UBXN4: variants seen among roughly 807,000 people sequenced by gnomAD.
The protein encoded by UBXN4 is UBX domain-containing protein 4.
In UBXN4, 35 loss-of-function variants were observed where a neutral mutation model predicts 66.2. That is an observed-to-expected ratio of 0.53 (90% CI 0.40 to 0.70). UBXN4 has a LOEUF of 0.70. Ranked by LOEUF, UBXN4 falls within the 30% of genes least tolerant of loss-of-function variation. UBXN4 has a pLI of 0.00. For synonymous variants in UBXN4, 203 were observed against 204.5 expected, an observed-to-expected ratio of 0.99 and a Z score of 0.06; for missense variants, 533 against 599.8, an observed-to-expected ratio of 0.89 and a Z score of 1.16.
intron 12 of UBXN4, 53 bp downstream of exon 12, chr2:135,780,438 CT>C: frequency 6.4e-7 from 1 of 1,563,900 alleles, no homozygotes; most frequent in Non-Finnish European, 8.8e-7. Flanking sequence ...TGCCCAGTAT[CT>C]TTTTTAAGTA....
At chr2:135,780,090 C>A in intron 11 of UBXN4, 93 bp from the exon 12 acceptor site, 1 of 1,244,138 alleles carries the variant, frequency 8.0e-7, no homozygotes, top group Non-Finnish European at 1.1e-6. Flanking sequence ...TTGGTAGGAC[C>A]TCCTTTTCCA....
intron 5 of UBXN4, among the ~76,000 whole-genome samples, chr2:135,756,603 C>CT (rs1249911338): frequency 6.6e-6 from 1 of 152,114 alleles, no homozygotes; most frequent in Non-Finnish European, 1.5e-5. Flanking sequence ...CGGGGGGACT[C>CT]TATTATGGAT....
chr2:135,745,339 C>G (rs1034501458), intron 1 of UBXN4, among the ~76,000 whole-genome samples: 43 of 152,172 alleles, frequency 2.8e-4, no homozygotes, highest in African/African-American at 1.0e-3. Flanking sequence ...GCTCTCTTAT[C>G]CTTTAGATTT....
At chr2:135,744,016 T>C (rs758376159) in intron 1 of UBXN4, among the ~76,000 whole-genome samples, 1 of 152,218 alleles carries the variant, frequency 6.6e-6, no homozygotes, top group Non-Finnish European at 1.5e-5. Flanking sequence ...AAAATCCAGC[T>C]AGCTTTTTTA....
chr2:135,770,823 G>C, intron 8 of UBXN4, 88 bp downstream of exon 8: 1 of 1,231,934 alleles, frequency 8.1e-7, no homozygotes, highest in East Asian at 3.1e-5. Context: ...CACAAAAATA[G>C]ATTTTAGTGA....
intron 9 of UBXN4, among the ~76,000 whole-genome samples, chr2:135,773,400 C>T (rs1051569866): frequency 5.3e-5 from 8 of 152,192 alleles, no homozygotes; most frequent in African/African-American, 1.9e-4. Flanking sequence ...AATTCACGAT[C>T]CCAGACAGAA....
intron 5 of UBXN4, among the ~76,000 whole-genome samples, chr2:135,759,766 ATTTTTT>A (rs10660396): frequency 1.1e-5 from 1 of 93,444 alleles, no homozygotes; most frequent in African/African-American, 4.0e-5. Context: ...TCAATCCAGA[ATTTTTT>A]TTTTTTTTTT....
At chr2:135,770,322 C>G (rs1419091795) in intron 7 of UBXN4, among the ~76,000 whole-genome samples, 1 of 152,072 alleles carries the variant, frequency 6.6e-6, no homozygotes, top group Non-Finnish European at 1.5e-5. Flanking sequence ...ATATATTTAC[C>G]CTCATGACTA....
At position 135,742,006 on chromosome 2, in the gene UBXN4, T is replaced by C; in HGVS notation, c.77T>C (p.Val26Ala). ...KRSGAVFVVF[V>A]AGDDEQSTQM... The stretch of plus-strand genomic sequence containing the variant: ...AGCGGCGCGGTCTTCGTGGTGTTCG[T>C]GGCAGGTGAAGGAGGCAGGGGTTCG... Residue 26 changes from valine to alanine, a missense_variant, in exon 1 of 13, where the codon GTG (valine) becomes GCG (alanine). By Grantham distance (64) the Val-to-Ala change is moderately conservative. This residue lies in a region of UBXN4 where 529 missense variants were observed against 580.1 expected (regional missense o/e 0.91). Transcript: ENST00000272638. The C allele has an allele frequency of 6.2e-7, 1 of 1,613,130 alleles. No individual in the cohort carries two copies. Among genetic ancestry groups the C allele is most frequent in the Non-Finnish European group, 8.5e-7 (1 of 1,179,604 alleles).
rs143078127 is a variant in UBXN4, at chr2:135,751,900, C to T, written c.186-1639C>T. On this transcript the variant is annotated intron_variant, in intron 2 of 12. Coordinates refer to ENST00000272638, the MANE Select transcript of UBXN4 (RefSeq NM_014607.4). ...CATCTACATTGATGAGTATCTCTTA[C>T]TAATCTTATAAATTCTCTCTCCCAT... is the stretch of plus-strand genomic sequence containing the variant. 5.4e-3 allele frequency among the ~76,000 whole-genome samples: 815 copies of T among 152,196 alleles called. 7 individuals carry two copies. The highest frequency in any genetic ancestry group is 0.041 in the South Asian group (197 of 4,820).
At chr2:135,760,699 G>C (rs1047043251) in intron 5 of UBXN4, among the ~76,000 whole-genome samples, 6 of 152,136 alleles carry the variant, frequency 3.9e-5, no homozygotes, top group African/African-American at 1.2e-4. Context: ...AAAGAAAGGT[G>C]GTTAATTTCC....
At chr2:135,754,813 G>C (rs942128664) in intron 4 of UBXN4, among the ~76,000 whole-genome samples, 2 of 151,350 alleles carry the variant, frequency 1.3e-5, no homozygotes, top group Non-Finnish European at 2.9e-5. Context: ...TTTTGAGATG[G>C]AGTCTCTGTT....
intron 5 of UBXN4, among the ~76,000 whole-genome samples, chr2:135,757,239 T>A (rs955892465): frequency 7.9e-5 from 12 of 152,210 alleles, no homozygotes; most frequent in African/African-American, 2.9e-4. Flanking sequence ...GATCTGCAAG[T>A]TCACTGACTC....
chr2:135,742,440 CA>C (rs1232662017), intron 1 of UBXN4: 2 of 157,880 alleles, frequency 1.3e-5, no homozygotes, highest in East Asian at 3.7e-4. Flanking sequence ...CGGACGCGGC[CA>C]GCAGGCCCCA....
intron 12 of UBXN4, among the ~76,000 whole-genome samples, chr2:135,781,641 C>T (rs1443646768): frequency 6.6e-6 from 1 of 152,204 alleles, no homozygotes; most frequent in East Asian, 1.9e-4. Flanking sequence ...AGACCAGTTA[C>T]CTACTAAGTA....
rs750779526 is a variant in UBXN4 at position 135,780,248 on chromosome 2, A to T, written c.1251A>T (p.Thr417=). ...GAGACATTTGGACCTTGTTGGGAAC[A>T]GTGCTTTATCCATTCCTTGCCATCT... ...SSGDIWTLLG[T]VLYPFLAIWR... Residue 417 remains threonine, a synonymous_variant, in exon 12 of 13, where the codon ACA becomes ACT. Transcript: ENST00000272638. 1.2e-5 allele frequency: 19 copies of T among 1,614,062 alleles called. No individual in the cohort carries two copies. The East Asian group carries it at 3.8e-4, about 32-fold the overall frequency.
chr2:135,743,170 G>T (rs1038214160), intron 1 of UBXN4, among the ~76,000 whole-genome samples: 1 of 152,190 alleles, frequency 6.6e-6, no homozygotes, highest in Non-Finnish European at 1.5e-5. Context: ...AGTGAAGAAC[G>T]AATTACTGAA....
At chr2:135,759,436 A>G (rs970022933) in intron 5 of UBXN4, among the ~76,000 whole-genome samples, 2 of 152,152 alleles carry the variant, frequency 1.3e-5, no homozygotes, top group Non-Finnish European at 2.9e-5. Context: ...TTTAAATTTA[A>G]TATATAGATT....
intron 4 of UBXN4, among the ~76,000 whole-genome samples, chr2:135,755,101 C>G (rs2105495834): frequency 6.6e-6 from 1 of 152,324 alleles, no homozygotes; most frequent in South Asian, 2.1e-4. Context: ...ACCCCAGTCT[C>G]AACACATAAT....
Sources: gnomAD v4.1 joint callset for allele counts (sites outside exome capture counted in the v4.1 genomes callset) on GRCh38, gnomAD v4.1.1 for gene constraint, gnomAD v4.1.1 regional missense constraint, MANE v1.5 for transcripts, NCBI Gene and HGNC (gene_info 2026-07-23, HGNC 2026-07-21) for gene names.